Variants in PREX2 observed in about 807,000 individuals in gnomAD.
PREX2 encodes the protein phosphatidylinositol 3,4,5-trisphosphate-dependent Rac exchanger 2 protein.
PREX2 carries 107 observed loss-of-function variants against 203.2 expected under a neutral mutation model. The ratio of observed to expected loss-of-function variants is 0.53; its 90% CI spans 0.45 to 0.62. The LOEUF (loss-of-function observed/expected upper bound fraction) is 0.62. Ranked by LOEUF, PREX2 falls within the 20% of genes least tolerant of loss-of-function variation. PREX2 has a pLI of 0.00. For missense variants in PREX2, 1,777 were observed against 1,955.9 expected (o/e 0.91, Z 1.72); for synonymous variants, 672 against 663.6 (o/e 1.01, Z -0.19).
intron 20 of PREX2, 105 bp downstream of exon 20, chr8:68,090,820 G>T: frequency 1.2e-6 from 1 of 848,832 alleles, no homozygotes; most frequent in Non-Finnish European, 1.7e-6. Context: ...CCAATTTTAA[G>T]TTTAAAATTA....
Position 68,139,300 on chromosome 8 carries a change from G to T in PREX2, c.4087+783G>T, listed in dbSNP as rs546996997. ...TAAAAGGAGAGCAGGCCCTGAAAAG[G>T]TTGAGGGAGTAATGGCGATATCGGA... On this transcript the variant is annotated intron_variant, in intron 33 of 39. Transcript: ENST00000288368. Among the ~76,000 whole-genome samples the T allele has an allele frequency of 3.9e-5, 6 of 152,278 alleles. No individual in the cohort carries two copies. The East Asian group carries it at 1.2e-3, about 29-fold the overall frequency.
intron 1 of PREX2, among the ~76,000 whole-genome samples, chr8:67,969,045 C>T (rs772413230): frequency 1.3e-5 from 2 of 152,174 alleles, no homozygotes; most frequent in Non-Finnish European, 2.9e-5. Flanking sequence ...TGCTCAGCGT[C>T]TTAATGCTCA....
chr8:68,091,269 G>A (rs535932379), intron 20 of PREX2, among the ~76,000 whole-genome samples: 19 of 152,232 alleles, frequency 1.2e-4, no homozygotes, highest in African/African-American at 2.4e-4. Context: ...TGTACTCGGC[G>A]TTATCTAAAA....
chr8:68,098,964 A>G (rs939892024), intron 22 of PREX2, among the ~76,000 whole-genome samples: 3 of 113,848 alleles, frequency 2.6e-5, no homozygotes, highest in Admixed American at 8.9e-5. Flanking sequence ...ATATATATAT[A>G]TATATATATA....
At chr8:68,220,259 GT>G (rs1314535922) in intron 38 of PREX2, 1 of 151,996 alleles carries the variant, frequency 6.6e-6, no homozygotes, top group Non-Finnish European at 1.5e-5. Flanking sequence ...GAAGAGAAGG[GT>G]ACTATGTTTT....
chr8:68,188,444 A>G (rs1374530866), intron 35 of PREX2, among the ~76,000 whole-genome samples: 2 of 152,260 alleles, frequency 1.3e-5, no homozygotes, highest in African/African-American at 4.8e-5. Context: ...TTTCCCCAGA[A>G]GATTTAATAG....
rs562029714 is a variant in PREX2, at chr8:68,230,751, G to A, written c.4776-582G>A. 7.2e-5 allele frequency among the ~76,000 whole-genome samples: 11 copies of A among 152,236 alleles called. No individual in the cohort carries two copies. In the South Asian group the frequency reaches 1.5e-3, roughly 20 times the overall value. On this transcript the variant is annotated intron_variant, in intron 39 of 39. Coordinates refer to ENST00000288368, the MANE Select transcript of PREX2 (RefSeq NM_024870.4). The stretch of plus-strand genomic sequence containing the variant: ...TGACCCACTTGGAGAGCCCACAGTC[G>A]GGTGAGTGGGCCCTGGGCAGAGCTG...
intron 1 of PREX2, among the ~76,000 whole-genome samples, chr8:67,964,567 A>G (rs1805716297): frequency 6.6e-6 from 1 of 152,186 alleles, no homozygotes; most frequent in Admixed American, 6.5e-5. Context: ...CAATCCATCT[A>G]ACATTTATCT....
intron 35 of PREX2, among the ~76,000 whole-genome samples, chr8:68,186,510 T>TTTTTG (rs1339848844): frequency 1.3e-5 from 2 of 152,122 alleles, no homozygotes; most frequent in African/African-American, 2.4e-5. Flanking sequence ...TAGCAGGGTT[T>TTTTTG]TTTTGTTTTG....
At chr8:68,078,805 A>AAC (rs33995261) in intron 15 of PREX2, among the ~76,000 whole-genome samples, 80,984 of 151,828 alleles carry the variant, frequency 0.53, 21,609 homozygotes, top group South Asian at 0.56. Flanking sequence ...GTAAAGCACC[A>AAC]ACACAGTAAT....
chr8:68,192,229 C>T, intron 36 of PREX2, 106 bp from the exon 37 acceptor site: 1 of 821,324 alleles, frequency 1.2e-6, no homozygotes, highest in Non-Finnish European at 1.9e-6. Flanking sequence ...CCATTACCAC[C>T]AAAATGAAAT....
intron 4 of PREX2, among the ~76,000 whole-genome samples, chr8:68,023,493 T>C (rs6987601): frequency 0.15 from 22,651 of 152,162 alleles, 1,984 homozygotes; most frequent in African/African-American, 0.23. Flanking sequence ...TATTGAGCTG[T>C]AAATGTTTGT....
intron 13 of PREX2, among the ~76,000 whole-genome samples, chr8:68,070,463 A>G (rs983839164): frequency 8.6e-5 from 13 of 151,998 alleles, no homozygotes. Context: ...TTTTTAGTTT[A>G]TCTCTTTAGA....
chr8:68,129,519 C>T (rs946780172), intron 31 of PREX2, among the ~76,000 whole-genome samples: 4 of 152,004 alleles, frequency 2.6e-5, no homozygotes, highest in African/African-American at 9.7e-5. Context: ...TATTCTTAAC[C>T]TCCTTTTATT....
chr8:68,098,925 T>G (rs938421554), intron 22 of PREX2, among the ~76,000 whole-genome samples: 1 of 136,966 alleles, frequency 7.3e-6, no homozygotes, highest in African/African-American at 2.8e-5. Context: ...TCAGAAATGC[T>G]ACATATATAT....
chr8:68,030,420 A>G (rs1401730806), intron 5 of PREX2, 77 bp from the exon 6 acceptor site: 61 of 1,393,826 alleles, frequency 4.4e-5, no homozygotes, highest in Admixed American at 8.9e-5. Flanking sequence ...TGCAGTTTTC[A>G]TTTCCTGGTC....
intron 17 of PREX2, among the ~76,000 whole-genome samples, chr8:68,081,383 G>A (rs1809517442): frequency 6.6e-6 from 1 of 152,036 alleles, no homozygotes; most frequent in African/African-American, 2.4e-5. Context: ...GACCCATACT[G>A]GTCCGCAGCC....
At position 68,118,577 on chromosome 8, in the gene PREX2, C is replaced by T. The variant is rs140834469; in HGVS notation, c.3354C>T (p.Ile1118=). 9.2e-5 allele frequency: 148 copies of T among 1,613,894 alleles called. No individual in the cohort carries two copies. The African/African-American group carries it at 1.5e-3, about 16-fold the overall frequency. The change falls in exon 27 of 40, where the codon ATC becomes ATT. Residue 1118 remains isoleucine (I), a synonymous_variant. Coordinates refer to ENST00000288368, the MANE Select transcript of PREX2 (RefSeq NM_024870.4). Reference sequence around the variant, plus strand: ...ACTGCAACAGCAATAGGAATTCCATCGCCTCCTTCACCAGCATCTGCAGCA... The same window carrying T: ...ACTGCAACAGCAATAGGAATTCCATTGCCTCCTTCACCAGCATCTGCAGCA... The part of the protein sequence containing the change: ...YSDCNSNRNS[I]ASFTSICSSQ...
At chr8:68,067,778 G>A (rs1809063884) in intron 11 of PREX2, among the ~76,000 whole-genome samples, 1 of 152,040 alleles carries the variant, frequency 6.6e-6, no homozygotes, top group African/African-American at 2.4e-5. Context: ...AGAGAAAGTA[G>A]GCATCTTTGT....
Sources: allele counts gnomAD v4.1 joint callset (sites outside exome capture counted in the v4.1 genomes callset), GRCh38; gene constraint gnomAD v4.1.1; transcripts MANE v1.5; gene names NCBI Gene and HGNC (gene_info 2026-07-23, HGNC 2026-07-21).